Variants in HIVEP1 observed in about 807,000 individuals in gnomAD.
The protein encoded by HIVEP1 is HIVEP zinc finger 1.
A neutral mutation model predicts 180.0 loss-of-function variants in HIVEP1; 36 were observed. That is an observed-to-expected ratio of 0.20 (90% CI 0.15 to 0.26). HIVEP1 has a LOEUF of 0.26. Ranked by LOEUF, HIVEP1 falls within the 10% of genes least tolerant of loss-of-function variation. The pLI is 1.00. For missense variants in HIVEP1, 3,143 were observed against 3,268.7 expected, an observed-to-expected ratio of 0.96 and a Z score of 0.94; for synonymous variants, 1,239 against 1,239.0, an observed-to-expected ratio of 1.00 and a Z score of 0.00.
chr6:12,146,456 A>G (rs1759378244), intron 7 of HIVEP1, among the ~76,000 whole-genome samples: 1 of 152,222 alleles, frequency 6.6e-6, no homozygotes, highest in Non-Finnish European at 1.5e-5. Flanking sequence ...AAAAATAATA[A>G]TAATAGTAAT....
rs1449542274 is a variant in HIVEP1 at position 12,124,741 on chromosome 6, T to G, written c.4946T>G (p.Phe1649Cys). The G allele has an allele frequency of 1.2e-6, 2 of 1,614,164 alleles. No individual in the cohort carries two copies. Among genetic ancestry groups the G allele is most frequent in the South Asian group, 1.1e-5 (1 of 91,082 alleles). ...RLQSSVPAYC[F>C]ATLTSLPQIL... ...CAGAGTAGTGTTCCTGCTTACTGTT[T>G]TGCTACACTCACATCCCTGCCACAA... is the stretch of plus-strand genomic sequence containing the variant. Residue 1649 changes from phenylalanine to cysteine, a missense_variant, in exon 4 of 9, where the codon TTT becomes TGT. By Grantham distance (205) the Phe-to-Cys change is radical. This residue lies in a region of HIVEP1 where 1,357 missense variants were observed against 1,260.5 expected (regional missense o/e 1.08). Coordinates refer to ENST00000379388, the MANE Select transcript of HIVEP1 (RefSeq NM_002114.4).
At chr6:12,019,563 C>T (rs1768052844) in intron 2 of HIVEP1, among the ~76,000 whole-genome samples, 1 of 152,180 alleles carries the variant, frequency 6.6e-6, no homozygotes, top group South Asian at 2.1e-4. Context: ...TTTGCCCCTA[C>T]TGTTTCTGCC....
At chr6:12,050,169 T>G (rs75160327) in intron 2 of HIVEP1, among the ~76,000 whole-genome samples, 5,652 of 152,314 alleles carry the variant, frequency 0.037, 356 homozygotes, top group African/African-American at 0.13. Flanking sequence ...CCTGTATTAG[T>G]AAACCGCGAT....
chr6:12,052,954 C>T (rs1770632090), intron 2 of HIVEP1, among the ~76,000 whole-genome samples: 1 of 152,132 alleles, frequency 6.6e-6, no homozygotes, highest in South Asian at 2.1e-4. Flanking sequence ...AAAGTAATTT[C>T]TTGGGGTTGG....
rs986482052 is a variant in HIVEP1, at chr6:12,108,740, C to T, written c.95-11150C>T. Among the ~76,000 whole-genome samples the T allele has an allele frequency of 4.1e-4, 62 of 152,144 alleles. 1 individual carries two copies. The highest frequency in any genetic ancestry group is 2.1e-4 in the South Asian group (1 of 4,834). On this transcript the variant is annotated intron_variant, in intron 3 of 8. Coordinates refer to ENST00000379388, the MANE Select transcript of HIVEP1 (RefSeq NM_002114.4). Reference sequence around the variant, plus strand: ...AGCTCCAGCTGGCCTGCAAGCGCCGCGCGCACCCCCGGTTCCCGCTCGCGC... The same window carrying T: ...AGCTCCAGCTGGCCTGCAAGCGCCGTGCGCACCCCCGGTTCCCGCTCGCGC...
At chr6:12,176,686 T>A in the HIVEP1 span, among the ~76,000 whole-genome samples, 2 of 152,214 alleles carry the variant, frequency 1.3e-5, no homozygotes, top group Non-Finnish European at 2.9e-5. Context: ...AGCATTGTTT[T>A]TTTTTCTTTT....
chr6:12,125,212 A>C lies in HIVEP1; in HGVS notation c.5417A>C (p.Glu1806Ala), dbSNP rs1438087360. The change falls in exon 4 of 9, where the codon GAG becomes GCG. Residue 1806 changes from glutamate to alanine, a missense_variant. Transcript: ENST00000379388. ...TTAGTGAGACAGGTTTGTACTACAG[A>C]GCCCCTGGACGGTGTGATGTTGGAA... Reference protein sequence around the residue: ...PILVRQVCTTEPLDGVMLEKD... With the variant: ...PILVRQVCTTAPLDGVMLEKD... 2.5e-6 allele frequency: 4 copies of C among 1,614,194 alleles called. No individual in the cohort carries two copies. In the South Asian group the frequency reaches 4.4e-5, roughly 18 times the overall value.
intron 4 of HIVEP1, chr6:12,129,525 G>A: frequency 1.6e-6 from 1 of 609,410 alleles, no homozygotes; most frequent in Non-Finnish European, 3.1e-6. Flanking sequence ...ATTTGGGGGT[G>A]TCAGTGAACT....
chr6:12,182,158 G>A, the HIVEP1 span, among the ~76,000 whole-genome samples: 6 of 152,038 alleles, frequency 3.9e-5, no homozygotes, highest in East Asian at 1.9e-4. Context: ...ATGAAAAATC[G>A]GAAAAGAATT....
intron 7 of HIVEP1, among the ~76,000 whole-genome samples, chr6:12,154,807 C>T (rs919871787): frequency 1.3e-4 from 20 of 152,304 alleles, no homozygotes; most frequent in African/African-American, 4.6e-4. Context: ...TATCCCTGAA[C>T]TTAAAGTATA....
At chr6:12,167,154 A>G (rs930620745), downstream of HIVEP1, among the ~76,000 whole-genome samples, 1 of 152,164 alleles carries the variant, frequency 6.6e-6, no homozygotes, top group African/African-American at 2.4e-5. Flanking sequence ...TTCCTTTCAC[A>G]GAAACAGTAT....
chr6:12,023,562 G>A (rs1768390718), intron 2 of HIVEP1, among the ~76,000 whole-genome samples: 2 of 152,172 alleles, frequency 1.3e-5, no homozygotes, highest in South Asian at 4.1e-4. Context: ...TAATATGGGT[G>A]AAAAAGTTAC....
intron 2 of HIVEP1, among the ~76,000 whole-genome samples, chr6:12,083,060 T>A (rs1050881280): frequency 1.3e-5 from 2 of 152,086 alleles, no homozygotes; most frequent in East Asian, 3.9e-4. Flanking sequence ...AAAATATAAA[T>A]GGTAAAATGA....
chr6:12,158,429 A>G (rs556055896), intron 7 of HIVEP1, among the ~76,000 whole-genome samples: 1 of 152,222 alleles, frequency 6.6e-6, no homozygotes, highest in East Asian at 1.9e-4. Context: ...TTCTAGTTTT[A>G]GGTCTTCCTT....
At chr6:12,077,876 C>G (rs1487818488) in intron 2 of HIVEP1, among the ~76,000 whole-genome samples, 2 of 152,142 alleles carry the variant, frequency 1.3e-5, no homozygotes, top group East Asian at 1.9e-4. Context: ...AATCTTCATC[C>G]TTTCCTTTTT....
chr6:12,011,277 C>CA (rs1192831839), upstream of HIVEP1, among the ~76,000 whole-genome samples: 5 of 111,586 alleles, frequency 4.5e-5, no homozygotes, highest in Non-Finnish European at 9.6e-5. Flanking sequence ...GGGTCCCCCC[C>CA]CCCCCCCGCC....
intron 2 of HIVEP1, among the ~76,000 whole-genome samples, chr6:12,078,594 T>G (rs1772534249): frequency 6.9e-6 from 1 of 145,626 alleles, no homozygotes; most frequent in South Asian, 2.2e-4. Flanking sequence ...ACCTTGTATC[T>G]GAGTCCTCCT....
chr6:12,134,863 A>G (rs1324569361), intron 6 of HIVEP1, among the ~76,000 whole-genome samples: 1 of 152,182 alleles, frequency 6.6e-6, no homozygotes, highest in Non-Finnish European at 1.5e-5. Flanking sequence ...TGAGACTTAT[A>G]CTCTGTATGT....
At position 12,164,247 on chromosome 6, in the gene HIVEP1, C is replaced by T. The variant is rs1760609379; in HGVS notation, c.7943C>T (p.Pro2648Leu). Residue 2648 changes from proline to leucine, a missense_variant, in exon 9 of 9, where the codon CCT becomes CTT. Pro to Leu is a moderately conservative substitution (Grantham distance 98, BLOSUM62 -3). Coordinates refer to ENST00000379388, the MANE Select transcript of HIVEP1 (RefSeq NM_002114.4). ...AASANHVKPKPELTSIQGQPA... is the reference protein window; with the variant it reads ...AASANHVKPKLELTSIQGQPA... ...TCGGCAAATCACGTGAAGCCCAAGC[C>T]TGAACTCACTTCCATACAGGGCCAA... is the stretch of plus-strand genomic sequence containing the variant. 2.5e-6 allele frequency: 4 copies of T among 1,614,120 alleles called. No homozygotes were observed. Among genetic ancestry groups the T allele is most frequent in the Non-Finnish European group, 3.4e-6 (4 of 1,180,038 alleles).
Sources: allele counts gnomAD v4.1 joint callset (sites outside exome capture counted in the v4.1 genomes callset), GRCh38; gene constraint gnomAD v4.1.1; regional missense constraint gnomAD v4.1.1; transcripts MANE v1.5; gene names NCBI Gene and HGNC (gene_info 2026-07-23, HGNC 2026-07-21).